The following NFIB variants were observed in gnomAD, a reference collection of about 807,000 sequenced individuals.
NFIB encodes the protein nuclear factor 1 B-type.
In NFIB, 11 loss-of-function variants were observed where a neutral mutation model predicts 61.5. The ratio of observed to expected loss-of-function variants is 0.18; its 90% confidence interval spans 0.11 to 0.30. NFIB has a LOEUF of 0.30. NFIB is among the 10% of genes least tolerant of loss of function. The pLI is 1.00. For missense variants in NFIB, 471 were observed against 608.9 expected (o/e 0.77, Z 2.38); for synonymous variants, 260 against 216.5 (o/e 1.20, Z -1.76).
At chr9:14,269,562 T>A (rs965612156) in intron 2 of NFIB, among the ~76,000 whole-genome samples, 1 of 152,202 alleles carries the variant, frequency 6.6e-6, no homozygotes, top group African/African-American at 2.4e-5. Flanking sequence ...GACATATGTG[T>A]TCTTACCATC....
intron 2 of NFIB, among the ~76,000 whole-genome samples, chr9:14,258,142 G>A (rs1218486738): frequency 6.6e-6 from 1 of 152,168 alleles, no homozygotes; most frequent in African/African-American, 2.4e-5. Context: ...TAGAAGCAAA[G>A]GTACTGCTTA....
chr9:14,394,594 A>G (rs2061661069), intron 1 of NFIB, among the ~76,000 whole-genome samples: 2 of 152,308 alleles, frequency 1.3e-5, no homozygotes, highest in Admixed American at 6.5e-5. Flanking sequence ...TGATTCAATT[A>G]TCTCCACCTG....
At chr9:14,360,550 T>TC (rs1192698218) in intron 1 of NFIB, among the ~76,000 whole-genome samples, 1 of 146,960 alleles carries the variant, frequency 6.8e-6, no homozygotes. Flanking sequence ...GTTTTTTTCT[T>TC]TTTTTTTTTT....
At chr9:14,427,290 T>C in the NFIB span, among the ~76,000 whole-genome samples, 1 of 152,188 alleles carries the variant, frequency 6.6e-6, no homozygotes, top group African/African-American at 2.4e-5. Context: ...ATAATAATAC[T>C]CATAGTGAAT....
At chr9:14,169,596 G>GAA (rs1413853150) in intron 3 of NFIB, among the ~76,000 whole-genome samples, 2 of 152,136 alleles carry the variant, frequency 1.3e-5, no homozygotes, top group Non-Finnish European at 2.9e-5. Context: ...CAGGGTGGGC[G>GAA]GATCACATGA....
intron 9 of NFIB, among the ~76,000 whole-genome samples, chr9:14,114,753 C>G (rs1373565663): frequency 6.6e-6 from 1 of 152,152 alleles, no homozygotes; most frequent in East Asian, 1.9e-4. Flanking sequence ...CTATTAATAA[C>G]ACCACAAGAG....
At chr9:14,311,131 G>T (rs1277908665) in intron 1 of NFIB, among the ~76,000 whole-genome samples, 1 of 151,876 alleles carries the variant, frequency 6.6e-6, no homozygotes, top group African/African-American at 2.4e-5. Context: ...ATAAATATTG[G>T]TTATTGATAT....
intron 2 of NFIB, among the ~76,000 whole-genome samples, chr9:14,198,719 T>TC (rs2048708391): frequency 6.6e-6 from 1 of 152,186 alleles, no homozygotes; most frequent in African/African-American, 2.4e-5. Flanking sequence ...CCCAGGTAAC[T>TC]CCCGCACATT....
At chr9:14,382,355 AGAGAGAGAGG>A (rs2061498599) in intron 1 of NFIB, among the ~76,000 whole-genome samples, 1 of 151,826 alleles carries the variant, frequency 6.6e-6, no homozygotes, top group African/African-American at 2.4e-5. Flanking sequence ...TGAGAGAGAG[AGAGAGAGAGG>A]GAGAGAGAGG....
intron 1 of NFIB, among the ~76,000 whole-genome samples, chr9:14,335,257 TGTCAACACC>T (rs1356429063): frequency 6.6e-6 from 1 of 152,122 alleles, no homozygotes; most frequent in Non-Finnish European, 1.5e-5. Flanking sequence ...TTTAAGAAAA[TGTCAACACC>T]GTTTTCCAAA....
In NFIB at chr9:14,338,684, A is replaced by T. The variant is rs571888747; in HGVS notation, c.109-31164T>A. Among the ~76,000 whole-genome samples, 166 of 152,296 alleles carry T rather than the reference A, an allele frequency of 1.1e-3. 1 individual carries two copies. Among genetic ancestry groups the T allele is most frequent in the African/African-American group, 3.9e-3 (162 of 41,568 alleles). The stretch of plus-strand genomic sequence containing the variant: ...AGCTACCGTGTGACTTGTGGTAGAC[A>T]CACAGTAATACATTAGGGTTTTCTC... On this transcript the variant is annotated intron_variant, in intron 1 of 8. Coordinates refer to the NFIB transcript ENST00000380934.
chr9:14,123,091 TA>T (rs1191299024), intron 7 of NFIB, among the ~76,000 whole-genome samples: 1 of 150,690 alleles, frequency 6.6e-6, no homozygotes, highest in Non-Finnish European at 1.5e-5. Context: ...CCATCTCTAC[TA>T]AAAAAAATAC....
intron 2 of NFIB, among the ~76,000 whole-genome samples, chr9:14,280,676 G>T (rs1042641171): frequency 6.6e-5 from 10 of 152,266 alleles, no homozygotes; most frequent in African/African-American, 2.2e-4. Flanking sequence ...GGCAAGGGGG[G>T]ACTCAGGATG....
chr9:14,204,612 C>T (rs924260582), intron 2 of NFIB: 40 of 845,414 alleles, frequency 4.7e-5, no homozygotes, highest in African/African-American at 2.2e-4. Flanking sequence ...GAGAAGAAAG[C>T]GCCGGCAAAG....
intron 1 of NFIB, among the ~76,000 whole-genome samples, chr9:14,353,041 C>T (rs1211662386): frequency 1.3e-5 from 2 of 152,130 alleles, no homozygotes; most frequent in East Asian, 3.9e-4. Context: ...CACACAGAGG[C>T]AAGCTGGTGG....
chr9:14,218,211 T>C (rs751846851), intron 2 of NFIB, among the ~76,000 whole-genome samples: 2 of 152,318 alleles, frequency 1.3e-5, no homozygotes, highest in East Asian at 1.9e-4. Flanking sequence ...GTACAGGAAA[T>C]AGGGACAGAC....
intron 1 of NFIB, among the ~76,000 whole-genome samples, chr9:14,343,092 G>T (rs2060972070): frequency 6.6e-6 from 1 of 152,110 alleles, no homozygotes; most frequent in African/African-American, 2.4e-5. Context: ...CCACCATTTT[G>T]CCAACCCTGT....
the NFIB span, among the ~76,000 whole-genome samples, chr9:14,499,711 C>T: frequency 6.6e-6 from 1 of 152,184 alleles, no homozygotes; most frequent in African/African-American, 2.4e-5. Context: ...ACCTGAGCCT[C>T]AATCTTTTGA....
chr9:14,096,405 CT>C (rs2118701716), intron 10 of NFIB: 1 of 152,270 alleles, frequency 6.6e-6, no homozygotes, highest in Non-Finnish European at 1.5e-5. Flanking sequence ...AGAGCGGGAA[CT>C]TTTCTAATCC....
Sources: allele counts gnomAD v4.1 joint callset (sites outside exome capture counted in the v4.1 genomes callset), GRCh38; gene constraint gnomAD v4.1.1; transcripts MANE v1.5; gene names NCBI Gene and HGNC (gene_info 2026-07-23, HGNC 2026-07-21).